Variants in HYDIN observed in about 807,000 individuals in gnomAD.
HYDIN encodes the protein axonemal central pair apparatus protein HYDIN.
Under a neutral mutation model 403.9 loss-of-function variants are expected in HYDIN, and 132 were observed. The ratio of observed to expected loss-of-function variants is 0.33; its 90% confidence interval spans 0.28 to 0.38. The LOEUF (loss-of-function observed/expected upper bound fraction) is 0.38. Ranked by LOEUF, HYDIN falls within the 10% of genes least tolerant of loss-of-function variation. The probability of loss-of-function intolerance (pLI) is 1.00; values close to 1 mark genes in which losing one functional copy is unlikely to be tolerated. For synonymous variants in HYDIN, 1,202 were observed against 1,891.7 expected, an observed-to-expected ratio of 0.64 and a Z score of 9.46; for missense variants, 2,827 against 5,009.5, an observed-to-expected ratio of 0.56 and a Z score of 13.15.
At chr16:70,847,454 T>G (rs1263560356) in intron 75 of HYDIN, among the ~76,000 whole-genome samples, 1 of 152,156 alleles carries the variant, frequency 6.6e-6, no homozygotes, top group African/African-American at 2.4e-5. Flanking sequence ...AGGATTCCCT[T>G]TATTACTTCT....
At chr16:71,135,748 C>A (rs1271171681) in intron 8 of HYDIN, among the ~76,000 whole-genome samples, 1 of 151,516 alleles carries the variant, frequency 6.6e-6, no homozygotes, top group African/African-American at 2.4e-5. Flanking sequence ...ACAGATATTT[C>A]TATGCCATAA....
chr16:71,186,109 T>C (rs969169779), intron 2 of HYDIN, among the ~76,000 whole-genome samples: 3 of 146,118 alleles, frequency 2.1e-5, no homozygotes, highest in East Asian at 1.9e-4. Context: ...CCAACAACCA[T>C]CACAAAAGAG....
chr16:71,020,448 G>A lies in HYDIN; in HGVS notation c.3187-131C>T, dbSNP rs9936840. On this transcript the variant is annotated intron_variant, in intron 21 of 85. Transcript: ENST00000393567. Reference sequence around the variant, plus strand: ...TTTTTCTTTGTGTGTGTGTGTGTGTGTATATATATATATGCATATATATGT... The same window carrying A: ...TTTTTCTTTGTGTGTGTGTGTGTGTATATATATATATATGCATATATATGT... The A allele has an allele frequency of 7.1e-3, 6,835 of 959,290 alleles. 131 individuals are homozygous for A. In the African/African-American group the frequency reaches 0.089, roughly 12 times the overall value. The allele number at this position is 959,290 out of a possible 1,614,324, so 59.4% of individuals were successfully genotyped here.
intron 23 of HYDIN, among the ~76,000 whole-genome samples, chr16:70,995,510 T>A (rs1390726446): frequency 6.6e-6 from 1 of 152,166 alleles, no homozygotes; most frequent in East Asian, 1.9e-4. Context: ...TGGGGAAGGA[T>A]CACCACAATC....
At position 70,806,203 on chromosome 16, in the gene HYDIN, A is replaced by G. The variant is rs1434629120; in HGVS notation, c.*1377T>C. Among the ~76,000 whole-genome samples the G allele has an allele frequency of 6.6e-6, 1 of 152,198 alleles. No homozygotes were observed. The highest frequency in any genetic ancestry group is 2.4e-5 in the African/African-American group (1 of 41,430). ...TCTTACTGTGCCTAATTTATAAATT[A>G]ATCAAAGGTATGTATGTAAAGGAAA... On this transcript the variant is annotated 3_prime_UTR_variant, in exon 86 of 86. Transcript: ENST00000393567.
chr16:71,192,729 C>A (rs1167025198), intron 1 of HYDIN, among the ~76,000 whole-genome samples: 1 of 152,156 alleles, frequency 6.6e-6, no homozygotes, highest in Non-Finnish European at 1.5e-5. Context: ...ATTGATCTAT[C>A]TCTCTCCCTC....
At chr16:71,157,928 C>G (rs2085840201) in intron 6 of HYDIN, among the ~76,000 whole-genome samples, 1 of 146,540 alleles carries the variant, frequency 6.8e-6, no homozygotes, top group African/African-American at 2.5e-5. Context: ...CCGTGGCAGG[C>G]CAGCCTGACA....
intron 1 of HYDIN, among the ~76,000 whole-genome samples, chr16:71,191,382 T>C (rs185107012): frequency 6.6e-6 from 1 of 152,338 alleles, no homozygotes; most frequent in Non-Finnish European, 1.5e-5. Context: ...TGAGATATAC[T>C]TTAAAATACT....
intron 60 of HYDIN, among the ~76,000 whole-genome samples, chr16:70,882,092 T>C (rs1597211582): frequency 1.3e-5 from 2 of 152,402 alleles, no homozygotes. Flanking sequence ...CCCAGCCCTA[T>C]ATTCTCAGGC....
At chr16:71,110,438 T>A (rs962816672) in intron 10 of HYDIN, among the ~76,000 whole-genome samples, 3 of 141,532 alleles carry the variant, frequency 2.1e-5, no homozygotes, top group Non-Finnish European at 4.6e-5. Context: ...TATAAATATA[T>A]AAATAATATA....
intron 62 of HYDIN, among the ~76,000 whole-genome samples, chr16:70,875,576 A>G (rs1189384510): frequency 2.0e-5 from 3 of 152,230 alleles, no homozygotes; most frequent in Non-Finnish European, 4.4e-5. Context: ...GGCATGGAGA[A>G]GGCAGAAATA....
At chr16:71,207,551 G>T (rs1440473832) in intron 1 of HYDIN, among the ~76,000 whole-genome samples, 1 of 152,150 alleles carries the variant, frequency 6.6e-6, no homozygotes, top group Non-Finnish European at 1.5e-5. Flanking sequence ...TATGATAACA[G>T]AATCAAATCC....
chr16:71,081,158 T>G (rs1423186107), intron 12 of HYDIN, among the ~76,000 whole-genome samples: 1 of 152,150 alleles, frequency 6.6e-6, no homozygotes, highest in Non-Finnish European at 1.5e-5. Context: ...AACTATTCAG[T>G]TATCTTGTTT....
intron 12 of HYDIN, among the ~76,000 whole-genome samples, chr16:71,082,049 A>T (rs2082800298): frequency 6.7e-6 from 1 of 150,020 alleles, no homozygotes; most frequent in African/African-American, 2.5e-5. Context: ...TTCAAGGCAC[A>T]TTAGCTAAAA....
At chr16:70,907,684 AG>A (rs1371062213) in intron 49 of HYDIN, among the ~76,000 whole-genome samples, 193 bp from the exon 50 acceptor site, 1 of 151,746 alleles carries the variant, frequency 6.6e-6, no homozygotes, top group East Asian at 1.9e-4. Flanking sequence ...TGAAAAAAAA[AG>A]ACTCCCAGTG....
At chr16:70,943,537 T>C (rs925457855) in intron 42 of HYDIN, among the ~76,000 whole-genome samples, 12 of 152,178 alleles carry the variant, frequency 7.9e-5, no homozygotes, top group African/African-American at 2.7e-4. Context: ...TGGCTCCACA[T>C]TGTAATTTTT....
chr16:71,177,043 C>T (rs1299331505), intron 4 of HYDIN, among the ~76,000 whole-genome samples: 2 of 152,172 alleles, frequency 1.3e-5, no homozygotes, highest in South Asian at 2.1e-4. Context: ...AAGCCTGCCT[C>T]GCCTGGAGAG....
rs2079150671 is a variant in HYDIN, at chr16:70,985,125, C to T, written c.4332+60G>A. 5.4e-6 allele frequency: 8 copies of T among 1,486,708 alleles called. No individual in the cohort carries two copies. In the South Asian group the frequency reaches 8.6e-5, roughly 16 times the overall value. 92.1% of individuals were successfully genotyped at this position (1,486,708 alleles called of 1,614,324 possible). The stretch of plus-strand genomic sequence containing the variant: ...ACTTGTAATCCTGGTCGTGAATACT[C>T]ACCTGCTTCGGAGTGGGGCTCGTAG... On this transcript the variant is annotated intron_variant, in intron 28 of 85. Coordinates refer to ENST00000393567, the MANE Select transcript of HYDIN (RefSeq NM_001270974.2).
At chr16:70,837,192 T>C (rs2037485123) in intron 77 of HYDIN, among the ~76,000 whole-genome samples, 1 of 152,170 alleles carries the variant, frequency 6.6e-6, no homozygotes, top group African/African-American at 2.4e-5. Flanking sequence ...AGAAATGCCT[T>C]GAACCAAATA....
Sources: gnomAD v4.1 joint callset for allele counts (sites outside exome capture counted in the v4.1 genomes callset) on GRCh38, gnomAD v4.1.1 for gene constraint, MANE v1.5 for transcripts, NCBI Gene and HGNC (gene_info 2026-07-23, HGNC 2026-07-21) for gene names.